The following WDFY3 variants were observed in gnomAD, a reference collection of about 807,000 sequenced individuals.
The protein encoded by WDFY3 is WD repeat and FYVE domain containing 3.
Under a neutral mutation model 409.6 loss-of-function variants are expected in WDFY3, and 66 were observed. The observed-to-expected ratio is 0.16, with a 90% CI of 0.13 to 0.20. WDFY3 has a LOEUF of 0.20. WDFY3 is among the 10% of genes least tolerant of loss of function. The probability of loss-of-function intolerance (pLI) is 1.00; values close to 1 mark genes in which losing one functional copy is unlikely to be tolerated. For missense variants in WDFY3, 3,031 were observed against 4,298.1 expected (o/e 0.71, Z 8.24); for synonymous variants, 1,521 against 1,537.1 (o/e 0.99, Z 0.25).
chr4:84,859,738 G>T (rs933180618), intron 4 of WDFY3, among the ~76,000 whole-genome samples: 1 of 151,994 alleles, frequency 6.6e-6, no homozygotes, highest in African/African-American at 2.4e-5. Flanking sequence ...ACCACGCCTG[G>T]CTGATTTTTT....
chr4:84,711,248 A>G (rs1233582751), intron 51 of WDFY3, among the ~76,000 whole-genome samples: 1 of 152,234 alleles, frequency 6.6e-6, no homozygotes, highest in Non-Finnish European at 1.5e-5. Context: ...AGCTATAAGG[A>G]GCATAAAGGA....
chr4:84,700,468 T>C (rs1262227087), intron 56 of WDFY3, among the ~76,000 whole-genome samples: 2 of 152,216 alleles, frequency 1.3e-5, no homozygotes, highest in African/African-American at 2.4e-5. Context: ...CCTCCCAAAG[T>C]GCTGGGATTA....
At chr4:84,783,188 A>G in intron 24 of WDFY3, 114 bp from the exon 25 acceptor site, 1 of 965,416 alleles carries the variant, frequency 1.0e-6, no homozygotes, top group Non-Finnish European at 1.6e-6. Context: ...CTCCCTTATC[A>G]GAATACTGAA....
intron 10 of WDFY3, among the ~76,000 whole-genome samples, chr4:84,823,427 T>C (rs1274565228): frequency 1.3e-5 from 2 of 151,900 alleles, no homozygotes; most frequent in Admixed American, 1.3e-4. Context: ...TCACAAAATA[T>C]TATTAAAATG....
rs891300913 is a variant in WDFY3, at chr4:84,778,928, T to C, written c.4366-273A>G. Among the ~76,000 whole-genome samples the C allele has an allele frequency of 2.6e-5, 4 of 152,220 alleles. No individual in the cohort carries two copies. The East Asian group carries it at 7.7e-4, about 29-fold the overall frequency. ...TACATTTACCCTTTCAATTCCATTATAAATATGTAAATAGTTACCAACGCG... is the reference window on the plus strand; with the variant it reads ...TACATTTACCCTTTCAATTCCATTACAAATATGTAAATAGTTACCAACGCG... On this transcript the variant is annotated intron_variant, in intron 26 of 67. Coordinates refer to ENST00000295888, the MANE Select transcript of WDFY3 (RefSeq NM_014991.6).
intron 2 of WDFY3, among the ~76,000 whole-genome samples, chr4:84,919,022 G>T (rs1471644904): frequency 6.6e-6 from 1 of 151,964 alleles, no homozygotes; most frequent in Non-Finnish European, 1.5e-5. Flanking sequence ...ACTGACTCCA[G>T]TGCTGGGCAA....
chr4:84,820,649 T>G (rs1267530852), intron 11 of WDFY3, among the ~76,000 whole-genome samples: 1 of 152,098 alleles, frequency 6.6e-6, no homozygotes, highest in Admixed American at 6.6e-5. Context: ...GATAATACAT[T>G]GTGTATATAA....
chr4:84,826,726 C>G, intron 10 of WDFY3, 89 bp downstream of exon 10: 4 of 1,321,164 alleles, frequency 3.0e-6, no homozygotes, highest in Non-Finnish European at 4.0e-6. Flanking sequence ...ATATATATAA[C>G]AGAAACAAAA....
At chr4:84,930,658 C>T (rs1018347948) in intron 2 of WDFY3, among the ~76,000 whole-genome samples, 1 of 152,152 alleles carries the variant, frequency 6.6e-6, no homozygotes, top group Non-Finnish European at 1.5e-5. Flanking sequence ...AAAAAAGTTT[C>T]CTTTCTCAAA....
At chr4:84,887,960 C>T (rs1764445357) in intron 3 of WDFY3, among the ~76,000 whole-genome samples, 1 of 152,150 alleles carries the variant, frequency 6.6e-6, no homozygotes, top group South Asian at 2.1e-4. Context: ...CCCATGTTTA[C>T]TTTGTGTATC....
At chr4:84,815,646 T>C (rs530886473) in intron 13 of WDFY3, among the ~76,000 whole-genome samples, 2 of 152,310 alleles carry the variant, frequency 1.3e-5, no homozygotes, top group South Asian at 4.1e-4. Flanking sequence ...ATTTATCTGA[T>C]GTTTTCTAAT....
chr4:84,697,977 G>A (rs942760340), intron 56 of WDFY3, among the ~76,000 whole-genome samples: 1 of 152,036 alleles, frequency 6.6e-6, no homozygotes, highest in Non-Finnish European at 1.5e-5. Flanking sequence ...TGACTTGGTT[G>A]GAAAGGTTAC....
In WDFY3 at chr4:84,817,463, T is replaced by A; in HGVS notation, c.1816A>T (p.Met606Leu). The A allele has an allele frequency of 6.2e-7, 1 of 1,613,844 alleles. No homozygotes were observed. Among genetic ancestry groups the A allele is most frequent in the Non-Finnish European group, 8.5e-7 (1 of 1,179,802 alleles). Residue 606 changes from methionine to leucine, a missense_variant, in exon 13 of 68, where the codon ATG becomes TTG. Transcript: ENST00000295888. Reference protein sequence around the residue: ...LVLSPNGDDDMGTLLGLMHSA... With the variant: ...LVLSPNGDDDLGTLLGLMHSA... ...TGCATTAGCCCCAGGAGAGTGCCCA[T>A]GTCATCGTCCCCATTTGGGGAGAGC...
intron 1 of WDFY3, among the ~76,000 whole-genome samples, chr4:84,944,316 G>A (rs1171409897): frequency 1.3e-5 from 2 of 151,192 alleles, no homozygotes; most frequent in Non-Finnish European, 2.9e-5. Flanking sequence ...CTTGAGCTCA[G>A]GAGTTCAAGA....
chr4:84,907,148 T>A (rs1457189224), intron 2 of WDFY3, among the ~76,000 whole-genome samples: 1 of 152,122 alleles, frequency 6.6e-6, no homozygotes, highest in Non-Finnish European at 1.5e-5. Context: ...CAAGGGAGAA[T>A]AATAAATTAC....
At chr4:84,818,087 A>G (rs982291033) in intron 12 of WDFY3, among the ~76,000 whole-genome samples, 7 of 152,202 alleles carry the variant, frequency 4.6e-5, no homozygotes, top group African/African-American at 1.7e-4. Flanking sequence ...ATTCTGTAAC[A>G]GAAGTATGTG....
At chr4:84,763,272 A>T (rs1340168105) in intron 32 of WDFY3, among the ~76,000 whole-genome samples, 1 of 152,086 alleles carries the variant, frequency 6.6e-6, no homozygotes, top group Non-Finnish European at 1.5e-5. Context: ...CAGCAAACTA[A>T]CACAGGAACA....
intron 2 of WDFY3, among the ~76,000 whole-genome samples, chr4:84,919,505 C>T (rs1047271866): frequency 3.3e-5 from 5 of 151,996 alleles, no homozygotes; most frequent in Non-Finnish European, 5.9e-5. Flanking sequence ...TGGCTGTGTC[C>T]CTACCCAAAT....
At chr4:84,961,857 T>A (rs2151210601) in intron 1 of WDFY3, among the ~76,000 whole-genome samples, 1 of 152,264 alleles carries the variant, frequency 6.6e-6, no homozygotes, top group South Asian at 2.1e-4. Context: ...TAAAATGATA[T>A]CACCATTTAG....
Sources: gnomAD v4.1 joint callset for allele counts (sites outside exome capture counted in the v4.1 genomes callset) on GRCh38, gnomAD v4.1.1 for gene constraint, MANE v1.5 for transcripts, NCBI Gene and HGNC (gene_info 2026-07-23, HGNC 2026-07-21) for gene names.